ACTL8: variants seen among roughly 807,000 people sequenced by gnomAD.
The protein encoded by ACTL8 is actin like 8.
Under a neutral mutation model 9.3 loss-of-function variants are expected in ACTL8, and 3 were observed. That is an observed-to-expected ratio of 0.32 (90% CI 0.15 to 0.83). The LOEUF is 0.83. ACTL8 is among the 40% of genes least tolerant of loss of function. The pLI, the probability that ACTL8 is intolerant of heterozygous loss-of-function variation, is 0.57. For missense variants in ACTL8, 381 were observed against 492.2 expected, an observed-to-expected ratio of 0.77 and a Z score of 2.14; for synonymous variants, 224 against 205.9, an observed-to-expected ratio of 1.09 and a Z score of -0.75.
chr1:17,788,691 C>T (rs1200902200), intron 1 of ACTL8, among the ~76,000 whole-genome samples: 3 of 152,222 alleles, frequency 2.0e-5, no homozygotes, highest in Admixed American at 2.0e-4. Context: ...AGGAGTCCCA[C>T]CCTGGGCCAT....
chr1:17,768,563 A>G (rs931580831), intron 1 of ACTL8, among the ~76,000 whole-genome samples: 1 of 152,228 alleles, frequency 6.6e-6, no homozygotes. Flanking sequence ...ATCAAATGGA[A>G]TGTTAAAGTA....
At chr1:17,788,850 C>T (rs527484429) in intron 1 of ACTL8, among the ~76,000 whole-genome samples, 1 of 152,174 alleles carries the variant, frequency 6.6e-6, no homozygotes, top group African/African-American at 2.4e-5. Context: ...ACTTTGCCTC[C>T]TTTTTAGTAC....
rs184716210 is a variant in ACTL8 at position 17,756,204 on chromosome 1, G to A, written c.-25+700G>A. ...GGGCTCTATCTTATCCCTTGAATAG[G>A]GGCTCTTCCCAGGGGGCCTCAGCCC... On this transcript the variant is annotated intron_variant, in intron 1 of 2. Coordinates refer to ENST00000375406, the MANE Select transcript of ACTL8 (RefSeq NM_030812.3). 6.6e-5 allele frequency among the ~76,000 whole-genome samples: 10 copies of A among 152,110 alleles called. No homozygotes were observed. In the East Asian group the frequency reaches 1.9e-3, roughly 30 times the overall value.
At chr1:17,821,040 G>A (rs892330949) in intron 1 of ACTL8, among the ~76,000 whole-genome samples, 1 of 152,016 alleles carries the variant, frequency 6.6e-6, no homozygotes, top group Non-Finnish European at 1.5e-5. Context: ...TTCCTAATGA[G>A]TAATAATGCT....
At position 17,780,208 on chromosome 1, in the gene ACTL8, T is replaced by TG. The variant is rs566892142; in HGVS notation, c.-25+24705dup. 5.3e-5 allele frequency among the ~76,000 whole-genome samples: 8 copies of TG among 152,010 alleles called. No individual in the cohort carries two copies. The East Asian group carries it at 1.2e-3, about 22-fold the overall frequency. On this transcript the variant is annotated intron_variant, in intron 1 of 2. Coordinates refer to ENST00000375406, the MANE Select transcript of ACTL8 (RefSeq NM_030812.3). The stretch of plus-strand genomic sequence containing the variant: ...GGGCGACAGAGTTGAGACCCTGTCT[T>TG]GAAAAAAAACCCCAAAAACAAAAAA...
rs1557450640 is a variant in ACTL8, at chr1:17,825,958, C to T, written c.540C>T (p.Leu180=). The T allele has an allele frequency of 9.9e-6, 16 of 1,610,544 alleles. No homozygotes were observed. The highest frequency in any genetic ancestry group is 1.1e-5 in the Non-Finnish European group (13 of 1,180,016). ...CGCTGGAGTTCGCCGGCCAGGATCT[C>T]TCCGCCTATCTCCTCAAGAGTCTCT... is the stretch of plus-strand genomic sequence containing the variant. ...GKTLEFAGQD[L]SAYLLKSLFK... The change falls in exon 3 of 3, where the codon CTC becomes CTT. Residue 180 remains leucine, a synonymous_variant. Transcript: ENST00000375406.
Position 17,826,324 on chromosome 1 carries a change from C to T in ACTL8, c.906C>T (p.Thr302=), listed in dbSNP as rs1288281781. 3.1e-6 allele frequency: 5 copies of T among 1,613,600 alleles called. No individual in the cohort carries two copies. The highest frequency in any genetic ancestry group is 2.7e-5 in the African/African-American group (2 of 75,042). ...ACGTGATGGCCTGCGGGGGCAACAC[C>T]CTCTATCCCGGGTTCACAAAGCGCC... is the stretch of plus-strand genomic sequence containing the variant. ...VSHVMACGGN[T]LYPGFTKRLF... The change falls in exon 3 of 3, where the codon ACC becomes ACT. Residue 302 remains threonine (T), a synonymous_variant. Coordinates refer to ENST00000375406, the MANE Select transcript of ACTL8 (RefSeq NM_030812.3). This position sits in a 1 kb window ranked among gnomAD's most constrained non-coding sequence, Gnocchi z 4.5.
At chr1:17,770,744 C>T (rs1315808054) in intron 1 of ACTL8, among the ~76,000 whole-genome samples, 1 of 152,138 alleles carries the variant, frequency 6.6e-6, no homozygotes, top group Non-Finnish European at 1.5e-5. Context: ...GGCCAATGAG[C>T]TGGTCATTCT....
chr1:17,796,645 G>T (rs1369966962), intron 1 of ACTL8, among the ~76,000 whole-genome samples: 3 of 152,188 alleles, frequency 2.0e-5, no homozygotes, highest in Admixed American at 6.5e-5. Context: ...GGAATGCTGG[G>T]ACTCTCCAAC....
chr1:17,766,685 G>T (rs937932858), intron 1 of ACTL8, among the ~76,000 whole-genome samples: 9 of 152,148 alleles, frequency 5.9e-5, no homozygotes, highest in African/African-American at 2.2e-4. Context: ...CCCAGAGAGG[G>T]TATATTTAGC....
intron 2 of ACTL8, among the ~76,000 whole-genome samples, chr1:17,824,507 C>G (rs2053695713): frequency 6.6e-6 from 1 of 152,146 alleles, no homozygotes; most frequent in South Asian, 2.1e-4. Flanking sequence ...TGTTTGAGAC[C>G]ATACATCAAG....
intron 1 of ACTL8, 57 bp downstream of exon 1, chr1:17,755,561 T>TG (rs1422053313): frequency 6.6e-6 from 1 of 151,708 alleles, no homozygotes; most frequent in African/African-American, 2.4e-5. Context: ...TGACTGTTTT[T>TG]TTTTTTTTTT....
At chr1:17,800,687 C>T (rs549306092) in intron 1 of ACTL8, among the ~76,000 whole-genome samples, 13 of 149,684 alleles carry the variant, frequency 8.7e-5, no homozygotes, top group East Asian at 3.9e-4. Flanking sequence ...CCTCTGCACC[C>T]GGGTTCAATC....
chr1:17,825,604 G>T (rs1354794796), intron 2 of ACTL8, among the ~76,000 whole-genome samples, 163 bp from the exon 3 acceptor site: 2 of 152,192 alleles, frequency 1.3e-5, no homozygotes, highest in Non-Finnish European at 2.9e-5. Flanking sequence ...TAATCCTCCA[G>T]AGCTGCTGCA....
intron 1 of ACTL8, among the ~76,000 whole-genome samples, chr1:17,758,508 G>A (rs1199051568): frequency 2.0e-5 from 3 of 152,170 alleles, no homozygotes; most frequent in East Asian, 1.9e-4. Flanking sequence ...CTGGGTGGCC[G>A]GGTCCCCTTG....
chr1:17,781,268 T>C (rs1380250298), intron 1 of ACTL8, among the ~76,000 whole-genome samples: 1 of 148,406 alleles, frequency 6.7e-6, no homozygotes, highest in East Asian at 2.0e-4. Context: ...GGAGACAGAG[T>C]CTCACCCTGT....
At chr1:17,769,033 G>A (rs1348398782) in intron 1 of ACTL8, among the ~76,000 whole-genome samples, 1 of 152,160 alleles carries the variant, frequency 6.6e-6, no homozygotes, top group Non-Finnish European at 1.5e-5. Context: ...GAGACGGGGG[G>A]TCAGAGAGGT....
At chr1:17,807,223 T>G (rs1295037847) in intron 1 of ACTL8, among the ~76,000 whole-genome samples, 11 of 152,232 alleles carry the variant, frequency 7.2e-5, no homozygotes, top group Admixed American at 7.2e-4. Context: ...TTCATTCCCC[T>G]TGGTCTTGTA....
chr1:17,802,070 T>C (rs2066326167), intron 1 of ACTL8, among the ~76,000 whole-genome samples: 2 of 152,164 alleles, frequency 1.3e-5, no homozygotes, highest in Admixed American at 1.3e-4. Flanking sequence ...AACAAGAAAA[T>C]GGATGCCCTG....
Sources: gnomAD v4.1 joint callset for allele counts (sites outside exome capture counted in the v4.1 genomes callset) on GRCh38, gnomAD v4.1.1 for gene constraint, Gnocchi (gnomAD v3.1) non-coding constraint, MANE v1.5 for transcripts, NCBI Gene and HGNC (gene_info 2026-07-23, HGNC 2026-07-21) for gene names.